The following MAGI2 variants were observed in gnomAD, a reference collection of about 807,000 sequenced individuals.
MAGI2 encodes the protein membrane associated guanylate kinase, WW and PDZ domain containing 2, also known as membrane-associated guanylate kinase, WW and PDZ domain-containing protein 2.
A neutral mutation model predicts 133.3 loss-of-function variants in MAGI2; 35 were observed. The ratio of observed to expected loss-of-function variants is 0.26; its 90% CI spans 0.20 to 0.35. The LOEUF is 0.35. MAGI2 is among the 10% of genes least tolerant of loss of function. The probability of loss-of-function intolerance (pLI) is 1.00; values close to 1 mark genes in which losing one functional copy is unlikely to be tolerated. For synonymous variants in MAGI2, 729 were observed against 710.6 expected (o/e 1.03, Z -0.41); for missense variants, 1,636 against 1,863.4 (o/e 0.88, Z 2.25).
At chr7:79,099,743 C>T (rs73369334) in intron 1 of MAGI2, among the ~76,000 whole-genome samples, 13,432 of 152,106 alleles carry the variant, frequency 0.088, 1,623 homozygotes, top group African/African-American at 0.28. Flanking sequence ...TTCCTGTTCC[C>T]GTGTTAGTTC....
intron 21 of MAGI2, among the ~76,000 whole-genome samples, chr7:78,040,075 T>C (rs1045526428): frequency 3.3e-5 from 5 of 152,028 alleles, no homozygotes; most frequent in African/African-American, 1.2e-4. Flanking sequence ...CTCATACAGA[T>C]GTCTGTTTGA....
At chr7:78,936,108 A>G (rs1049467591) in intron 2 of MAGI2, among the ~76,000 whole-genome samples, 2 of 152,148 alleles carry the variant, frequency 1.3e-5, no homozygotes, top group African/African-American at 4.8e-5. Context: ...ATTATTAAAG[A>G]CAATAAATAG....
At chr7:78,647,439 A>C (rs556472026) in intron 2 of MAGI2, among the ~76,000 whole-genome samples, 1 of 152,300 alleles carries the variant, frequency 6.6e-6, no homozygotes, top group East Asian at 1.9e-4. Flanking sequence ...TCAAAACCAC[A>C]ATGAGATACC....
At chr7:78,226,308 T>C (rs1408783341) in intron 10 of MAGI2, among the ~76,000 whole-genome samples, 2 of 118,764 alleles carry the variant, frequency 1.7e-5, no homozygotes, top group African/African-American at 3.1e-5. Flanking sequence ...CTGCAGAAAG[T>C]ATACAAATGT....
intron 6 of MAGI2, among the ~76,000 whole-genome samples, chr7:78,416,083 G>T (rs1798274205): frequency 6.6e-6 from 1 of 152,136 alleles, no homozygotes; most frequent in Non-Finnish European, 1.5e-5. Context: ...GCATGAACTG[G>T]CCAATGTGTG....
At chr7:78,077,085 T>C (rs1403282607) in intron 21 of MAGI2, among the ~76,000 whole-genome samples, 1 of 152,068 alleles carries the variant, frequency 6.6e-6, no homozygotes, top group African/African-American at 2.4e-5. Flanking sequence ...CGGGGACCAA[T>C]AGTGATTCTA....
intron 7 of MAGI2, among the ~76,000 whole-genome samples, chr7:78,362,273 G>A (rs1792902771): frequency 1.3e-5 from 2 of 152,158 alleles, no homozygotes; most frequent in Non-Finnish European, 2.9e-5. Flanking sequence ...CTGTACTCCA[G>A]CCTGGGAGAC....
chr7:79,120,817 G>A (rs10280055), intron 1 of MAGI2, among the ~76,000 whole-genome samples: 7 of 151,842 alleles, frequency 4.6e-5, no homozygotes, highest in African/African-American at 1.7e-4. Flanking sequence ...CAATGATGCC[G>A]CACTTTTCTC....
intron 1 of MAGI2, among the ~76,000 whole-genome samples, chr7:79,011,623 G>A (rs1808102052): frequency 6.6e-6 from 1 of 152,070 alleles, no homozygotes; most frequent in Non-Finnish European, 1.5e-5. Context: ...GGGATAGTAG[G>A]GGTTAAATAG....
chr7:79,312,816 A>G (rs1030773798), intron 1 of MAGI2, among the ~76,000 whole-genome samples: 15 of 152,178 alleles, frequency 9.9e-5, no homozygotes, highest in Non-Finnish European at 7.3e-5. Flanking sequence ...ATCTTAGCTA[A>G]TTCTTATCAG....
chr7:78,429,086 T>C lies in MAGI2; in HGVS notation c.1046-59873A>G, dbSNP rs184907047. On this transcript the variant is annotated intron_variant, in intron 6 of 21. Coordinates refer to ENST00000354212, the MANE Select transcript of MAGI2 (RefSeq NM_012301.4). The stretch of plus-strand genomic sequence containing the variant: ...GAGACTGTCTTCCAAATAAAAGACG[T>C]GAACTTTATTATTGGTTTCTATAAT... 1.3e-3 allele frequency among the ~76,000 whole-genome samples: 197 copies of C among 152,246 alleles called. 1 individual carries two copies. Among genetic ancestry groups the C allele is most frequent in the Admixed American group, 2.7e-3 (41 of 15,274 alleles).
chr7:78,542,949 G>C (rs1798535538), intron 3 of MAGI2, among the ~76,000 whole-genome samples: 1 of 152,204 alleles, frequency 6.6e-6, no homozygotes, highest in Non-Finnish European at 1.5e-5. Context: ...ATGTGTGTAT[G>C]TGAGAGATTC....
intron 9 of MAGI2, among the ~76,000 whole-genome samples, chr7:78,259,906 AGAGT>A (rs1368438950): frequency 3.6e-4 from 55 of 152,318 alleles, no homozygotes; most frequent in Non-Finnish European, 1.3e-4. Context: ...ATTTAGAAAC[AGAGT>A]GAGAACTATT....
chr7:78,100,340 C>T (rs1446808593), intron 20 of MAGI2, among the ~76,000 whole-genome samples: 1 of 152,040 alleles, frequency 6.6e-6, no homozygotes, highest in Non-Finnish European at 1.5e-5. Context: ...TGTTCCACAT[C>T]CTCCTTGGGC....
intron 1 of MAGI2, among the ~76,000 whole-genome samples, chr7:79,067,736 T>C (rs1235613858): frequency 6.6e-6 from 1 of 152,232 alleles, no homozygotes; most frequent in East Asian, 1.9e-4. Flanking sequence ...ATATTGGTTG[T>C]GGGTTTGACC....
intron 4 of MAGI2, among the ~76,000 whole-genome samples, chr7:78,512,029 A>C (rs1466763081): frequency 1.3e-5 from 2 of 151,930 alleles, no homozygotes; most frequent in African/African-American, 4.8e-5. Context: ...AGGCTGAGGC[A>C]GGTGAATGGC....
chr7:78,772,920 A>T (rs1016715453), intron 2 of MAGI2, among the ~76,000 whole-genome samples: 1 of 152,288 alleles, frequency 6.6e-6, no homozygotes, highest in East Asian at 1.9e-4. Context: ...CTGTTCTTTC[A>T]CCTTTTCTTT....
intron 9 of MAGI2, among the ~76,000 whole-genome samples, chr7:78,309,355 C>T (rs751439605): frequency 1.6e-4 from 25 of 152,124 alleles, no homozygotes; most frequent in Non-Finnish European, 3.1e-4. Flanking sequence ...TACTATGCAG[C>T]CATAAAAAAG....
chr7:78,343,597 G>A (rs1314590337), intron 9 of MAGI2, among the ~76,000 whole-genome samples, 181 bp downstream of exon 9: 1 of 152,100 alleles, frequency 6.6e-6, no homozygotes, highest in Non-Finnish European at 1.5e-5. Flanking sequence ...ATTCAAAATT[G>A]TTTCCAAATT....
Sources: allele counts gnomAD v4.1 joint callset (sites outside exome capture counted in the v4.1 genomes callset), GRCh38; gene constraint gnomAD v4.1.1; transcripts MANE v1.5; gene names NCBI Gene and HGNC (gene_info 2026-07-23, HGNC 2026-07-21).